Variants in NIFK observed in about 807,000 individuals in gnomAD.
The protein encoded by NIFK is nucleolar protein interacting with the FHA domain of MKI67, also known as MKI67 FHA domain-interacting nucleolar phosphoprotein.
In NIFK, 16 loss-of-function variants were observed where a neutral mutation model predicts 31.7. The ratio of observed to expected loss-of-function variants is 0.50; its 90% CI spans 0.34 to 0.77. The LOEUF is 0.77. Ranked by LOEUF, NIFK falls within the 30% of genes least tolerant of loss-of-function variation. NIFK has a pLI of 0.01. For missense variants in NIFK, 341 were observed against 350.4 expected (o/e 0.97, Z 0.21); for synonymous variants, 126 against 123.0 (o/e 1.02, Z -0.16).
chr2:121,730,602 G>A, intron 4 of NIFK: 1 of 336,392 alleles, frequency 3.0e-6, no homozygotes, highest in East Asian at 6.9e-5. Flanking sequence ...CCAACACTTT[G>A]GGACGCTGAG....
chr2:121,731,047 G>A lies in NIFK; in HGVS notation c.410C>T (p.Pro137Leu). 1 of 1,612,748 alleles carries A rather than the reference G, an allele frequency of 6.2e-7. No homozygotes were observed. Among genetic ancestry groups the A allele is most frequent in the African/African-American group, 1.3e-5 (1 of 74,952 alleles). ...HKELFKDWNI[P>L]FKQPSYPSVK... ...TGATGGATATGATGGCTGCTTAAAT[G>A]GAATATTCCAGTCTTTAAAGAGTTC... Residue 137 changes from proline (P) to leucine (L), a missense_variant, in exon 4 of 7, where the codon CCA becomes CTA. By Grantham distance (98) the Pro-to-Leu change is moderately conservative. Coordinates refer to ENST00000285814, the MANE Select transcript of NIFK (RefSeq NM_032390.5).
chr2:121,728,637 G>T (rs941433576), intron 4 of NIFK, 101 bp from the exon 5 acceptor site: 23 of 664,898 alleles, frequency 3.5e-5, no homozygotes, highest in Non-Finnish European at 5.5e-5. Context: ...TAAATGACAA[G>T]AGCATTTCAT....
At position 121,731,257 on chromosome 2, in the gene NIFK, G is replaced by C. The variant is rs912368203; in HGVS notation, c.353-153C>G. On this transcript the variant is annotated intron_variant, in intron 3 of 6. Coordinates refer to ENST00000285814, the MANE Select transcript of NIFK (RefSeq NM_032390.5). ...CTCACAGCAATGCGAAGTGAATAGA[G>C]AGACAAGACCTGGGCAGCCTTGTCA... The C allele has an allele frequency of 1.6e-4, 92 of 589,364 alleles. No homozygotes were observed. In the South Asian group the frequency reaches 1.6e-3, roughly 11 times the overall value. 36.5% of individuals were successfully genotyped at this position (589,364 alleles called of 1,614,324 possible).
At chr2:121,733,711 A>C (rs545080925) in intron 2 of NIFK, among the ~76,000 whole-genome samples, 4,110 of 152,230 alleles carry the variant, frequency 0.027, 190 homozygotes, top group African/African-American at 0.094. Flanking sequence ...AAAACAAAAA[A>C]AAAATGAATA....
chr2:121,731,252 A>C (rs2074537242), intron 3 of NIFK, 148 bp from the exon 4 acceptor site: 1 of 592,106 alleles, frequency 1.7e-6, no homozygotes, highest in Non-Finnish European at 3.0e-6. Context: ...TGCGAAGTGA[A>C]TAGAGAGACA....
chr2:121,736,668 G>T (rs527567755), intron 1 of NIFK, 78 bp downstream of exon 1: 5 of 1,288,374 alleles, frequency 3.9e-6, no homozygotes, highest in Non-Finnish European at 5.6e-6. Context: ...GCCCGGGCCG[G>T]AAACCGTGCA....
At chr2:121,733,477 T>C (rs924453906) in intron 2 of NIFK, among the ~76,000 whole-genome samples, 1 of 150,700 alleles carries the variant, frequency 6.6e-6, no homozygotes, top group African/African-American at 2.4e-5. Context: ...ACTGTGCCAC[T>C]GCACTCCAGC....
intron 2 of NIFK, among the ~76,000 whole-genome samples, chr2:121,735,222 T>A (rs2074570562): frequency 6.6e-6 from 1 of 152,200 alleles, no homozygotes; most frequent in South Asian, 2.1e-4. Flanking sequence ...GTCATATCAC[T>A]CTAACTAGTA....
intron 6 of NIFK, 46 bp downstream of exon 6, chr2:121,728,241 AT>A (rs1559904246): frequency 8.5e-7 from 1 of 1,176,796 alleles, no homozygotes; most frequent in Admixed American, 2.3e-5. Context: ...CCTCCTTCAA[AT>A]TATTTCTATA....
chr2:121,732,100 C>G lies in NIFK; in HGVS notation c.348G>C (p.Leu116Phe), dbSNP rs1385141767. ...CGGTAAGACAGGAGCACTTACACTC[C>G]AAGAGTCTTTCACCAAACAGGTAGT... ...MNNYLFGERL[L>F]ECHFMPPEKV... Residue 116 changes from leucine to phenylalanine, a missense_variant, in exon 3 of 7, where the codon TTG becomes TTC. Physicochemically the swap from Leu to Phe is conservative, Grantham distance 22. Coordinates refer to ENST00000285814, the MANE Select transcript of NIFK (RefSeq NM_032390.5). The G allele has an allele frequency of 6.3e-7, 1 of 1,597,508 alleles. No homozygotes were observed.
chr2:121,736,847 C>G lies in NIFK; in HGVS notation c.4G>C (p.Ala2Pro). 6.2e-7 allele frequency: 1 copy of G among 1,613,868 alleles called. No homozygotes were observed. Among genetic ancestry groups the G allele is most frequent in the Middle Eastern group, 1.7e-4 (1 of 6,058 alleles). The change falls in exon 1 of 7, where the codon GCG becomes CCG. Residue 2 changes from alanine (A) to proline (P), a missense_variant. Physicochemically the swap from Ala to Pro is conservative, Grantham distance 27 (BLOSUM62 -1). Coordinates refer to ENST00000285814, the MANE Select transcript of NIFK (RefSeq NM_032390.5). Reference sequence around the variant, plus strand: ...GGCCCAGCCGGGCCAGAAAAAGTCGCCATGCCAAAAGCCGCCGACGCTAAC... The same window carrying G: ...GGCCCAGCCGGGCCAGAAAAAGTCGGCATGCCAAAAGCCGCCGACGCTAAC... Reference protein sequence around the residue: MATFSGPAGPIL... With the variant: MPTFSGPAGPIL...
At chr2:121,735,355 T>A (rs1458829553) in intron 2 of NIFK, among the ~76,000 whole-genome samples, 3 of 152,214 alleles carry the variant, frequency 2.0e-5, no homozygotes, top group Non-Finnish European at 2.9e-5. Context: ...CAAGAAAATG[T>A]ATAAACCTGG....
intron 1 of NIFK, among the ~76,000 whole-genome samples, chr2:121,736,235 G>A (rs1043469687): frequency 6.6e-6 from 1 of 152,218 alleles, no homozygotes; most frequent in Non-Finnish European, 1.5e-5. Context: ...AAAAACCACA[G>A]AAAGTATAAG....
chr2:121,731,253 TAG>T (rs1329532435), intron 3 of NIFK, 149 bp from the exon 4 acceptor site: 66 of 591,168 alleles, frequency 1.1e-4, no homozygotes, highest in Non-Finnish European at 5.4e-5. Context: ...GCGAAGTGAA[TAG>T]AGAGACAAGA....
At chr2:121,727,982 A>G (rs1005804115) in intron 6 of NIFK, 70 bp from the exon 7 acceptor site, 18 of 1,343,438 alleles carry the variant, frequency 1.3e-5, no homozygotes, top group Non-Finnish European at 1.8e-5. Context: ...CAAAAATATC[A>G]TCTCTCCTCT....
chr2:121,730,157 T>C (rs1311651639), intron 4 of NIFK, among the ~76,000 whole-genome samples: 1 of 152,040 alleles, frequency 6.6e-6, no homozygotes, highest in Non-Finnish European at 1.5e-5. Context: ...GAGGTTGCAA[T>C]GAACTGAGAT....
intron 3 of NIFK, among the ~76,000 whole-genome samples, chr2:121,731,639 T>G (rs1027961936): frequency 6.6e-6 from 1 of 152,182 alleles, no homozygotes; most frequent in African/African-American, 2.4e-5. Context: ...CTCTTCTTGC[T>G]CCTTCATCTC....
chr2:121,733,564 A>G (rs1463119931), intron 2 of NIFK, among the ~76,000 whole-genome samples: 1 of 151,590 alleles, frequency 6.6e-6, no homozygotes. Flanking sequence ...CTATAATCCC[A>G]GCTACTCGGG....
Position 121,727,888 on chromosome 2 carries a change from T to C in NIFK, c.718A>G (p.Thr240Ala), listed in dbSNP as rs181797568. ...TGAGATTTTCGCCTCTCCAAAAATGTTGGTGTACAAACTGGTGTGGGGCCC... is the reference window on the plus strand; with the variant it reads ...TGAGATTTTCGCCTCTCCAAAAATGCTGGTGTACAAACTGGTGTGGGGCCC... The part of the protein sequence containing the change: ...SQGPTPVCTP[T>A]FLERRKSQVA... The change falls in exon 7 of 7, where the codon ACA (threonine) becomes GCA (alanine). Residue 240 changes from threonine to alanine, a missense_variant. Physicochemically the swap from Thr to Ala is moderately conservative, Grantham distance 58. Transcript: ENST00000285814. 7.5e-6 allele frequency: 12 copies of C among 1,603,368 alleles called. No individual in the cohort carries two copies. Among genetic ancestry groups the C allele is most frequent in the South Asian group, 1.1e-5 (1 of 87,758 alleles).
Sources: gnomAD v4.1 joint callset for allele counts (sites outside exome capture counted in the v4.1 genomes callset) on GRCh38, gnomAD v4.1.1 for gene constraint, MANE v1.5 for transcripts, NCBI Gene and HGNC (gene_info 2026-07-23, HGNC 2026-07-21) for gene names.